Variants in KCNH7 observed in about 807,000 individuals in gnomAD.
KCNH7 encodes potassium voltage-gated channel subfamily H member 7.
Under a neutral mutation model 120.8 loss-of-function variants are expected in KCNH7, and 49 were observed. That is an observed-to-expected ratio of 0.41 (90% CI 0.32 to 0.51). KCNH7 has a LOEUF of 0.51. Ranked by LOEUF, KCNH7 falls within the 20% of genes least tolerant of loss-of-function variation. KCNH7 has a pLI of 0.38. For synonymous variants in KCNH7, 547 were observed against 516.1 expected, an observed-to-expected ratio of 1.06 and a Z score of -0.81; for missense variants, 1,097 against 1,446.6, an observed-to-expected ratio of 0.76 and a Z score of 3.92.
chr2:162,676,813 A>C (rs1685543921), intron 2 of KCNH7, among the ~76,000 whole-genome samples: 1 of 151,396 alleles, frequency 6.6e-6, no homozygotes, highest in Admixed American at 6.6e-5. Flanking sequence ...ACTACCACAT[A>C]AGGGTCCATT....
At chr2:162,466,587 GA>G (rs752580881) in intron 6 of KCNH7, among the ~76,000 whole-genome samples, 1 of 152,180 alleles carries the variant, frequency 6.6e-6, no homozygotes, top group Non-Finnish European at 1.5e-5. Flanking sequence ...TCAGGTACCA[GA>G]AACACATTTC....
At chr2:162,672,569 C>T (rs867203273) in intron 2 of KCNH7, among the ~76,000 whole-genome samples, 19 of 151,670 alleles carry the variant, frequency 1.3e-4, no homozygotes, top group African/African-American at 4.6e-4. Context: ...ATAAACTCAG[C>T]AACAAACTTA....
In KCNH7 at chr2:162,371,916, A is replaced by T; in HGVS notation, c.3504T>A (p.His1168Gln). Reference protein sequence around the residue: ...QRKTYVHPIRHPSLPDSSLST... With the variant: ...QRKTYVHPIRQPSLPDSSLST... Reference sequence around the variant, plus strand: ...TTAGGGATGAATCTGGCAAAGAAGGATGCCTAATTGGATGAACGTAAGTTT... The same window carrying T: ...TTAGGGATGAATCTGGCAAAGAAGGTTGCCTAATTGGATGAACGTAAGTTT... The change falls in exon 16 of 16, where the codon CAT becomes CAA. Residue 1168 changes from histidine (H) to glutamine (Q), a missense_variant. Transcript: ENST00000332142. 6.2e-7 allele frequency: 1 copy of T among 1,613,878 alleles called. No homozygotes were observed.
At chr2:162,532,865 T>C (rs901811855) in intron 3 of KCNH7, among the ~76,000 whole-genome samples, 2 of 151,888 alleles carry the variant, frequency 1.3e-5, no homozygotes, top group Admixed American at 6.6e-5. Flanking sequence ...TGGTAACAGA[T>C]GAGAGTCAAG....
chr2:162,752,963 GAAAAGAAA>G (rs1559116364), intron 2 of KCNH7, among the ~76,000 whole-genome samples: 3 of 110,468 alleles, frequency 2.7e-5, no homozygotes, highest in African/African-American at 1.9e-4. Context: ...GAAAAGAAAA[GAAAAGAAA>G]AGAAAAGAAA....
At chr2:162,479,672 CATGTGT>C (rs1689861754) in intron 6 of KCNH7, among the ~76,000 whole-genome samples, 1 of 108,194 alleles carries the variant, frequency 9.2e-6, no homozygotes, top group South Asian at 2.7e-4. Flanking sequence ...TGTGTGTGTG[CATGTGT>C]GTGTGTGTGT....
intron 9 of KCNH7, among the ~76,000 whole-genome samples, chr2:162,405,736 T>C (rs1219193062): frequency 6.6e-6 from 1 of 151,984 alleles, no homozygotes; most frequent in African/African-American, 2.4e-5. Flanking sequence ...TTATTAACTT[T>C]TAATAAGTAA....
chr2:162,833,683 T>C (rs1309896854), intron 2 of KCNH7, among the ~76,000 whole-genome samples: 1 of 152,074 alleles, frequency 6.6e-6, no homozygotes, highest in Non-Finnish European at 1.5e-5. Flanking sequence ...TACAGAAGCA[T>C]AGTAGGAAGT....
intron 2 of KCNH7, among the ~76,000 whole-genome samples, chr2:162,569,736 C>T (rs1693395518): frequency 1.3e-5 from 2 of 151,820 alleles, no homozygotes; most frequent in South Asian, 2.1e-4. Context: ...TCTGTCTTTG[C>T]TCTCGTTGGT....
chr2:162,789,605 G>C (rs892398023), intron 2 of KCNH7, among the ~76,000 whole-genome samples: 13 of 151,824 alleles, frequency 8.6e-5, no homozygotes, highest in Non-Finnish European at 2.9e-5. Context: ...CATAGATTAG[G>C]CCACAAAACA....
At chr2:162,729,398 C>A (rs548494623) in intron 2 of KCNH7, among the ~76,000 whole-genome samples, 1 of 150,862 alleles carries the variant, frequency 6.6e-6, no homozygotes, top group South Asian at 2.1e-4. Flanking sequence ...ATATGTCCCC[C>A]AATTTTGTTT....
intron 2 of KCNH7, among the ~76,000 whole-genome samples, chr2:162,580,799 A>G (rs1285665738): frequency 6.6e-6 from 1 of 152,006 alleles, no homozygotes; most frequent in East Asian, 1.9e-4. Flanking sequence ...TGGGGTAGGA[A>G]ATAGAGGGCA....
Position 162,410,331 on chromosome 2 carries a change from G to C in KCNH7, c.2155-9890C>G, listed in dbSNP as rs182316162. On this transcript the variant is annotated intron_variant, in intron 9 of 15. Transcript: ENST00000332142. The stretch of plus-strand genomic sequence containing the variant: ...TGACAATAACAAACAATGAAGAAAA[G>C]ATTCCTTATTCAATAAATGATGTTT... Among the ~76,000 whole-genome samples, 9 of 152,150 alleles carry C rather than the reference G, an allele frequency of 5.9e-5. No homozygotes were observed. The East Asian group carries it at 1.5e-3, about 26-fold the overall frequency.
intron 2 of KCNH7, among the ~76,000 whole-genome samples, chr2:162,598,379 T>A (rs538114985): frequency 2.0e-5 from 3 of 152,020 alleles, no homozygotes; most frequent in Non-Finnish European, 4.4e-5. Context: ...AGAGACTAAT[T>A]TGATGGAAAA....
intron 2 of KCNH7, among the ~76,000 whole-genome samples, chr2:162,540,517 T>C (rs1358226849): frequency 6.6e-6 from 1 of 152,166 alleles, no homozygotes; most frequent in Non-Finnish European, 1.5e-5. Flanking sequence ...ACTCCTCCTT[T>C]TGAACTGCTT....
intron 6 of KCNH7, among the ~76,000 whole-genome samples, chr2:162,504,110 T>C (rs989914559): frequency 4.6e-5 from 7 of 152,008 alleles, no homozygotes; most frequent in Admixed American, 6.6e-5. Flanking sequence ...ACATCCATTA[T>C]ATTAAAAAAC....
chr2:162,586,582 T>C (rs1457377250), intron 2 of KCNH7, among the ~76,000 whole-genome samples: 4 of 151,978 alleles, frequency 2.6e-5, no homozygotes, highest in Non-Finnish European at 2.9e-5. Context: ...GTTTTTGTTT[T>C]AAGCCACTAA....
chr2:162,758,471 T>C (rs776674385), intron 2 of KCNH7, among the ~76,000 whole-genome samples: 4 of 152,044 alleles, frequency 2.6e-5, no homozygotes, highest in Non-Finnish European at 4.4e-5. Flanking sequence ...CACACACATA[T>C]ATATACACAC....
At chr2:162,476,516 A>C (rs1403827772) in intron 6 of KCNH7, among the ~76,000 whole-genome samples, 1 of 152,206 alleles carries the variant, frequency 6.6e-6, no homozygotes, top group Non-Finnish European at 1.5e-5. Flanking sequence ...AATAAAGGTT[A>C]TGAATCTGAA....
Sources: allele counts gnomAD v4.1 joint callset (sites outside exome capture counted in the v4.1 genomes callset), GRCh38; gene constraint gnomAD v4.1.1; transcripts MANE v1.5; gene names NCBI Gene and HGNC (gene_info 2026-07-23, HGNC 2026-07-21).